The following CDKN2B-AS1 variants were observed in gnomAD, a reference collection of about 807,000 sequenced individuals.
CDKN2B-AS1 encodes CDKN2B and CDKN2A antisense cis and trans regulatory RNA 1.
At chr9:22,110,830 A>G (rs1428605231) in intron 4 of CDKN2B-AS1, among the ~76,000 whole-genome samples, 1 of 152,116 alleles carries the variant, frequency 6.6e-6, no homozygotes, top group Non-Finnish European at 1.5e-5. Flanking sequence ...TGTGCCAAAC[A>G]TTAACTTGTT....
intron 4 of CDKN2B-AS1, among the ~76,000 whole-genome samples, chr9:22,100,963 T>C (rs1279872709): frequency 6.6e-6 from 1 of 152,224 alleles, no homozygotes; most frequent in Non-Finnish European, 1.5e-5. Context: ...ATGAAATGTC[T>C]ATTTGAATAT....
At chr9:22,022,286 G>A (rs1320386662) in intron 1 of CDKN2B-AS1, among the ~76,000 whole-genome samples, 1 of 151,980 alleles carries the variant, frequency 6.6e-6, no homozygotes, top group East Asian at 1.9e-4. Flanking sequence ...TTGTGTGGGA[G>A]TCAGTCTCTT....
intron 4 of CDKN2B-AS1, among the ~76,000 whole-genome samples, chr9:22,070,620 A>G (rs939628312): frequency 1.3e-5 from 2 of 152,180 alleles, no homozygotes; most frequent in African/African-American, 4.8e-5. Context: ...ACAAAGGCCA[A>G]GTGACATATG....
At chr9:22,010,437 G>T (rs537680329) in intron 1 of CDKN2B-AS1, among the ~76,000 whole-genome samples, 3 of 152,182 alleles carry the variant, frequency 2.0e-5, no homozygotes, top group African/African-American at 7.2e-5. Context: ...AATCATTTTG[G>T]TTCGGAGTGC....
chr9:22,064,800 G>A lies in CDKN2B-AS1; in HGVS notation n.438+8413G>A, dbSNP rs746470559. 5.9e-5 allele frequency among the ~76,000 whole-genome samples: 9 copies of A among 152,078 alleles called. 1 individual carries two copies. The highest frequency in any genetic ancestry group is 1.3e-4 in the Non-Finnish European group (9 of 68,022). On this transcript the variant is annotated intron_variant and non_coding_transcript_variant, in intron 4 of 4. Transcript: ENST00000650946. The stretch of plus-strand genomic sequence containing the variant: ...GAGCTGAGTGGCCAAACACACAATG[G>A]TTTTCATTTAACATCTCATTTCTAG...
At chr9:22,094,610 A>G (rs1285294900) in intron 4 of CDKN2B-AS1, among the ~76,000 whole-genome samples, 1 of 144,368 alleles carries the variant, frequency 6.9e-6, no homozygotes, top group Non-Finnish European at 1.5e-5. Context: ...CGAATCGGCT[A>G]CTGAGGCTTG....
intron 1 of CDKN2B-AS1, among the ~76,000 whole-genome samples, chr9:22,045,517 A>G (rs150659984): frequency 1.1e-3 from 168 of 152,226 alleles, no homozygotes; most frequent in African/African-American, 3.7e-3. Context: ...GCAAATGTAC[A>G]AATAGTTTAG....
intron 4 of CDKN2B-AS1, among the ~76,000 whole-genome samples, chr9:22,060,942 C>T (rs1391644958): frequency 6.6e-6 from 1 of 152,120 alleles, no homozygotes; most frequent in Non-Finnish European, 1.5e-5. Context: ...CTGGATACCT[C>T]CCACAAAATG....
chr9:22,126,543 T>TATACTTGA (rs201396553), intron 4 of CDKN2B-AS1, among the ~76,000 whole-genome samples: 7,332 of 150,396 alleles, frequency 0.049, 611 homozygotes, highest in African/African-American at 0.17. Context: ...TCTCTTTGGG[T>TATACTTGA]ATACTTGAAT....
intron 4 of CDKN2B-AS1, chr9:22,119,601 G>A (rs1192966995): frequency 6.6e-6 from 1 of 152,202 alleles, no homozygotes; most frequent in Non-Finnish European, 1.5e-5. Flanking sequence ...CTATTATACT[G>A]TAGGTGTGGA....
intron 1 of CDKN2B-AS1, chr9:22,046,455 CAT>C (rs1214833489): frequency 1.3e-5 from 2 of 152,030 alleles, no homozygotes; most frequent in Non-Finnish European, 2.9e-5. Context: ...CTAAGGTTGT[CAT>C]AGAGTCTTGA....
chr9:22,014,101 G>A (rs546349767), intron 1 of CDKN2B-AS1, among the ~76,000 whole-genome samples: 18 of 152,146 alleles, frequency 1.2e-4, no homozygotes, highest in Admixed American at 5.2e-4. Context: ...ATGGCAAAAT[G>A]GTGATATTCT....
chr9:22,021,861 C>T (rs1327469291), intron 1 of CDKN2B-AS1, among the ~76,000 whole-genome samples: 1 of 151,956 alleles, frequency 6.6e-6, no homozygotes, highest in Admixed American at 6.6e-5. Flanking sequence ...ACTAATGCTG[C>T]AAGCATTAGT....
At chr9:22,048,356 C>A (rs1167138433) in intron 2 of CDKN2B-AS1, among the ~76,000 whole-genome samples, 1 of 152,122 alleles carries the variant, frequency 6.6e-6, no homozygotes, top group Admixed American at 6.6e-5. Context: ...GCTGGCCTAA[C>A]TCTCCCAATC....
At chr9:22,036,166 C>T (rs1395442877) in intron 1 of CDKN2B-AS1, among the ~76,000 whole-genome samples, 2 of 152,046 alleles carry the variant, frequency 1.3e-5, no homozygotes, top group Admixed American at 6.6e-5. Context: ...AATAATAAAA[C>T]GTGGGTCAAA....
chr9:22,003,026 A>C (rs1820990313), intron 1 of CDKN2B-AS1: 1 of 207,374 alleles, frequency 4.8e-6, no homozygotes, highest in African/African-American at 2.3e-5. Flanking sequence ...GGTATATTTA[A>C]TTTTCTGTAT....
At chr9:22,059,755 G>C (rs1823732638) in intron 4 of CDKN2B-AS1, among the ~76,000 whole-genome samples, 1 of 152,220 alleles carries the variant, frequency 6.6e-6, no homozygotes, top group African/African-American at 2.4e-5. Flanking sequence ...ACTTTTGCCT[G>C]GGCATTCAGG....
intron 1 of CDKN2B-AS1, among the ~76,000 whole-genome samples, chr9:22,015,283 C>T (rs887750539): frequency 1.5e-4 from 23 of 151,514 alleles, no homozygotes; most frequent in Non-Finnish European, 3.2e-4. Context: ...TTTTTCCTGA[C>T]TTTTTTTTTC....
chr9:21,999,464 GTA>G lies in CDKN2B-AS1; in HGVS notation n.29+4305_29+4306del, dbSNP rs1405804441. Among the ~76,000 whole-genome samples, 6 of 151,764 alleles carry G rather than the reference GTA, an allele frequency of 4.0e-5. No homozygotes were observed. Among genetic ancestry groups the G allele is most frequent in the Middle Eastern group, 3.4e-3 (1 of 290 alleles). ...CACATATGTACACACATATCTGTAA[GTA>G]TGGGAAGATGTATACACATGTACAC... On this transcript the variant is annotated intron_variant and non_coding_transcript_variant, in intron 1 of 4. Coordinates refer to ENST00000650946, the Ensembl canonical transcript of CDKN2B-AS1. The surrounding 1 kb of genome is among the most constrained non-coding windows in gnomAD (Gnocchi z 4.7).
Sources: allele counts gnomAD v4.1 joint callset (sites outside exome capture counted in the v4.1 genomes callset), GRCh38; gene constraint gnomAD v4.1.1; non-coding constraint Gnocchi (gnomAD v3.1); transcripts MANE v1.5; gene names NCBI Gene and HGNC (gene_info 2026-07-23, HGNC 2026-07-21).